The following CHRM3 variants were observed in gnomAD, a reference collection of about 807,000 sequenced individuals.
The protein encoded by CHRM3 is muscarinic acetylcholine receptor M3.
In CHRM3, 11 loss-of-function variants were observed where a neutral mutation model predicts 41.8. That is an observed-to-expected ratio of 0.26 (90% CI 0.17 to 0.44). The LOEUF is 0.44. CHRM3 is among the 20% of genes least tolerant of loss of function. The probability of loss-of-function intolerance (pLI) is 1.00; values close to 1 mark genes in which losing one functional copy is unlikely to be tolerated. For synonymous variants in CHRM3, 297 were observed against 301.4 expected (o/e 0.99, Z 0.15); for missense variants, 571 against 745.4 (o/e 0.77, Z 2.72).
intron 5 of CHRM3, among the ~76,000 whole-genome samples, chr1:239,744,481 G>A (rs1217004981): frequency 2.0e-5 from 3 of 152,086 alleles, no homozygotes; most frequent in Admixed American, 6.6e-5. Flanking sequence ...TGAGGGAGCG[G>A]CCGGTGGCTA....
intron 2 of CHRM3, among the ~76,000 whole-genome samples, chr1:239,525,031 G>A (rs1052783461): frequency 2.0e-5 from 3 of 152,038 alleles, no homozygotes; most frequent in Admixed American, 2.0e-4. Context: ...ATTATCGTGT[G>A]TTTCGCCTCA....
At chr1:239,896,717 C>T (rs2102981206) in intron 6 of CHRM3, among the ~76,000 whole-genome samples, 1 of 152,262 alleles carries the variant, frequency 6.6e-6, no homozygotes, top group Non-Finnish European at 1.5e-5. Flanking sequence ...GGGGAGCTGT[C>T]CTGTGCATTG....
intron 1 of CHRM3, among the ~76,000 whole-genome samples, chr1:239,461,647 C>T (rs543677315): frequency 6.7e-6 from 1 of 150,346 alleles, no homozygotes; most frequent in Admixed American, 6.6e-5. Context: ...GATGAGCTCC[C>T]TGGTGGTCTC....
At chr1:239,630,136 C>T (rs1285070610) in intron 3 of CHRM3, among the ~76,000 whole-genome samples, 2 of 152,164 alleles carry the variant, frequency 1.3e-5, no homozygotes, top group East Asian at 1.9e-4. Flanking sequence ...CATTTATTGT[C>T]TCCCAATTCA....
intron 3 of CHRM3, among the ~76,000 whole-genome samples, chr1:239,553,643 A>G (rs996534246): frequency 6.6e-6 from 1 of 152,188 alleles, no homozygotes; most frequent in Non-Finnish European, 1.5e-5. Context: ...GGTCTCAACA[A>G]GTGTCTTTTC....
intron 5 of CHRM3, among the ~76,000 whole-genome samples, chr1:239,687,559 G>A (rs1188129409): frequency 2.6e-5 from 4 of 151,970 alleles, no homozygotes; most frequent in African/African-American, 9.7e-5. Flanking sequence ...TGTACATTAT[G>A]AGGTCATAAA....
intron 5 of CHRM3, among the ~76,000 whole-genome samples, chr1:239,730,686 G>A (rs1237425988): frequency 6.6e-6 from 1 of 151,996 alleles, no homozygotes; most frequent in African/African-American, 2.4e-5. Context: ...CGCTGAGTCT[G>A]GAGTGGAGAT....
At chr1:239,884,467 G>A (rs1239444747) in intron 6 of CHRM3, among the ~76,000 whole-genome samples, 1 of 152,206 alleles carries the variant, frequency 6.6e-6, no homozygotes, top group Non-Finnish European at 1.5e-5. Flanking sequence ...CAGGAGAACT[G>A]TGAGAGAATC....
intron 5 of CHRM3, among the ~76,000 whole-genome samples, chr1:239,774,824 T>G (rs1667965731): frequency 6.6e-6 from 1 of 152,168 alleles, no homozygotes; most frequent in Admixed American, 6.5e-5. Context: ...AGGACATTGT[T>G]TATTACCATC....
chr1:239,767,503 A>G (rs1406598997), intron 5 of CHRM3, among the ~76,000 whole-genome samples: 1 of 152,174 alleles, frequency 6.6e-6, no homozygotes, highest in Non-Finnish European at 1.5e-5. Context: ...GGGTTATGAT[A>G]TTCTCCTTTG....
chr1:239,611,258 G>T (rs1372727364), intron 3 of CHRM3, among the ~76,000 whole-genome samples: 2 of 151,878 alleles, frequency 1.3e-5, no homozygotes, highest in Non-Finnish European at 2.9e-5. Flanking sequence ...AATCTTACTG[G>T]AAACATCTAA....
At chr1:239,661,643 G>T (rs145530076) in intron 4 of CHRM3, among the ~76,000 whole-genome samples, 1 of 152,164 alleles carries the variant, frequency 6.6e-6, no homozygotes, top group Non-Finnish European at 1.5e-5. Context: ...ATGACTGGTT[G>T]CCAAGAGTTA....
chr1:239,838,822 C>T (rs1673545191), intron 6 of CHRM3, among the ~76,000 whole-genome samples: 1 of 152,180 alleles, frequency 6.6e-6, no homozygotes, highest in African/African-American at 2.4e-5. Flanking sequence ...AGAGAAAGCT[C>T]TTACTGCAGA....
intron 2 of CHRM3, among the ~76,000 whole-genome samples, chr1:239,519,940 G>C (rs142469843): frequency 0.012 from 1,886 of 151,668 alleles, 32 homozygotes; most frequent in South Asian, 0.041. Flanking sequence ...GTAGAGACGG[G>C]GTTTCCCCGT....
intron 2 of CHRM3, among the ~76,000 whole-genome samples, chr1:239,535,128 A>G (rs1028320505): frequency 2.0e-5 from 3 of 152,148 alleles, no homozygotes; most frequent in African/African-American, 4.8e-5. Flanking sequence ...TCAGAACCTC[A>G]GAAGTGGAAT....
chr1:239,532,260 C>CGCGCT (rs2148337380), intron 2 of CHRM3, among the ~76,000 whole-genome samples: 1 of 145,648 alleles, frequency 6.9e-6, no homozygotes, highest in South Asian at 2.2e-4. Context: ...ATCCGCCCAC[C>CGCGCT]TCGGCCTCCC....
At chr1:239,644,986 A>G (rs1384759552) in intron 4 of CHRM3, among the ~76,000 whole-genome samples, 1 of 152,044 alleles carries the variant, frequency 6.6e-6, no homozygotes, top group Non-Finnish European at 1.5e-5. Context: ...ATTGAACACC[A>G]TGCTCCCTGG....
intron 5 of CHRM3, among the ~76,000 whole-genome samples, chr1:239,746,009 G>C (rs557950220): frequency 6.6e-6 from 1 of 152,158 alleles, no homozygotes; most frequent in South Asian, 2.1e-4. Context: ...CATTTAATTC[G>C]TAAAGGAACT....
intron 4 of CHRM3, among the ~76,000 whole-genome samples, chr1:239,655,100 G>A (rs983730037): frequency 6.6e-6 from 1 of 152,186 alleles, no homozygotes; most frequent in Non-Finnish European, 1.5e-5. Flanking sequence ...TTCTCGTGCA[G>A]CGAAAGAGGA....
Sources: allele counts gnomAD v4.1 joint callset (sites outside exome capture counted in the v4.1 genomes callset), GRCh38; gene constraint gnomAD v4.1.1; transcripts MANE v1.5; gene names NCBI Gene and HGNC (gene_info 2026-07-23, HGNC 2026-07-21).